SKAP2: variants seen among roughly 807,000 people sequenced by gnomAD.
The protein encoded by SKAP2 is src kinase-associated phosphoprotein 2.
Under a neutral mutation model 54.9 loss-of-function variants are expected in SKAP2, and 28 were observed. That is an observed-to-expected ratio of 0.51 (90% CI 0.38 to 0.70). SKAP2 has a LOEUF of 0.70. Among genes scored for constraint, SKAP2 ranks in the 30% least tolerant of loss-of-function variants. The pLI is 0.00. For missense variants in SKAP2, 356 were observed against 424.1 expected, an observed-to-expected ratio of 0.84 and a Z score of 1.41; for synonymous variants, 137 against 134.3, an observed-to-expected ratio of 1.02 and a Z score of -0.14.
intron 4 of SKAP2, among the ~76,000 whole-genome samples, chr7:26,770,730 T>C (rs1354197619): frequency 6.6e-6 from 1 of 152,118 alleles, no homozygotes; most frequent in East Asian, 1.9e-4. Context: ...CCTCTTGCAC[T>C]TCCCCGGTGA....
intron 4 of SKAP2, among the ~76,000 whole-genome samples, chr7:26,841,507 G>A (rs966896373): frequency 6.6e-6 from 1 of 151,940 alleles, no homozygotes; most frequent in African/African-American, 2.4e-5. Flanking sequence ...CAATCAAGTC[G>A]AAGCATCACT....
At chr7:26,698,161 T>C (rs1786936154) in intron 9 of SKAP2, among the ~76,000 whole-genome samples, 1 of 152,206 alleles carries the variant, frequency 6.6e-6, no homozygotes, top group South Asian at 2.1e-4. Context: ...CTCTGTTTCC[T>C]CTGCTTGCCT....
chr7:26,705,003 T>A (rs1319070139), intron 9 of SKAP2, among the ~76,000 whole-genome samples: 1 of 152,090 alleles, frequency 6.6e-6, no homozygotes, highest in African/African-American at 2.4e-5. Context: ...GCAAACCAGA[T>A]CTTACTTTTT....
At chr7:26,864,295 G>C in intron 1 of SKAP2, 68 bp downstream of exon 1, 2 of 1,595,014 alleles carry the variant, frequency 1.3e-6, no homozygotes, top group Admixed American at 3.4e-5. Flanking sequence ...GAATGCTTCT[G>C]TCCCCACCGG....
chr7:26,708,059 C>T (rs1787205730), intron 9 of SKAP2, among the ~76,000 whole-genome samples: 1 of 152,118 alleles, frequency 6.6e-6, no homozygotes, highest in Admixed American at 6.5e-5. Flanking sequence ...AAGAGACTTC[C>T]AAGTAAACAG....
intron 9 of SKAP2, among the ~76,000 whole-genome samples, chr7:26,705,802 C>T (rs1787143499): frequency 1.3e-5 from 2 of 152,336 alleles, no homozygotes; most frequent in East Asian, 1.9e-4. Context: ...AACGTACACT[C>T]ATAGCTCTGA....
intron 11 of SKAP2, among the ~76,000 whole-genome samples, chr7:26,680,821 G>A (rs1786474981): frequency 6.6e-6 from 1 of 152,140 alleles, no homozygotes; most frequent in African/African-American, 2.4e-5. Context: ...CTCAGCCAGG[G>A]GTCACATGAT....
chr7:26,800,660 A>G (rs1371920471), intron 4 of SKAP2, among the ~76,000 whole-genome samples: 2 of 152,158 alleles, frequency 1.3e-5, no homozygotes, highest in Non-Finnish European at 2.9e-5. Context: ...ATGAAAAGAG[A>G]GACATTACAA....
intron 6 of SKAP2, among the ~76,000 whole-genome samples, chr7:26,729,483 A>G (rs564105430): frequency 1.3e-5 from 2 of 152,312 alleles, no homozygotes; most frequent in South Asian, 4.1e-4. Context: ...AAGAGATGAA[A>G]GATGAAACAA....
intron 4 of SKAP2, among the ~76,000 whole-genome samples, chr7:26,807,577 A>G (rs1784056518): frequency 6.6e-6 from 1 of 152,206 alleles, no homozygotes; most frequent in South Asian, 2.1e-4. Context: ...ACCCTGTCTC[A>G]GGTAGTTCTT....
At chr7:26,796,966 C>T (rs370313713) in intron 4 of SKAP2, among the ~76,000 whole-genome samples, 3 of 151,976 alleles carry the variant, frequency 2.0e-5, no homozygotes, top group Non-Finnish European at 2.9e-5. Flanking sequence ...AACATTTGGG[C>T]AAATGGTCAT....
intron 9 of SKAP2, among the ~76,000 whole-genome samples, chr7:26,723,547 T>G (rs1787626694): frequency 6.6e-6 from 1 of 151,652 alleles, no homozygotes; most frequent in Non-Finnish European, 1.5e-5. Context: ...TGTGTGAGGG[T>G]GGGTGAGGAG....
intron 4 of SKAP2, among the ~76,000 whole-genome samples, chr7:26,813,975 G>A (rs1784211781): frequency 6.6e-6 from 1 of 152,118 alleles, no homozygotes. Flanking sequence ...CTTGATATTA[G>A]GAGCAAATTC....
chr7:26,709,286 G>C (rs1260039126), intron 9 of SKAP2, among the ~76,000 whole-genome samples: 2 of 152,180 alleles, frequency 1.3e-5, no homozygotes, highest in Non-Finnish European at 2.9e-5. Context: ...ATATGAGAGA[G>C]TGTAATAGGC....
rs189388596 is a variant in SKAP2 at position 26,752,362 on chromosome 7, C to A, written c.308-12398G>T. ...TTTACAGTATATAAAATAAAAGTTT[C>A]ATAGGGCTGTTTTGTATAACATCAT... On this transcript the variant is annotated intron_variant, in intron 4 of 12. Coordinates refer to ENST00000345317, the MANE Select transcript of SKAP2 (RefSeq NM_003930.5). Among the ~76,000 whole-genome samples, 40 of 152,250 alleles carry A rather than the reference C, an allele frequency of 2.6e-4. No homozygotes were observed. In the East Asian group the frequency reaches 7.1e-3, roughly 27 times the overall value.
chr7:26,783,131 T>C (rs1218222851), intron 4 of SKAP2, among the ~76,000 whole-genome samples: 1 of 152,146 alleles, frequency 6.6e-6, no homozygotes, highest in Non-Finnish European at 1.5e-5. Flanking sequence ...ATTTTTAAAT[T>C]CCCCCAAGTC....
At position 26,669,439 on chromosome 7, in the gene SKAP2, T is replaced by C. The variant is rs758014778; in HGVS notation, c.*227A>G. The C allele has an allele frequency of 4.6e-5, 7 of 152,158 alleles. No homozygotes were observed. Among genetic ancestry groups the C allele is most frequent in the Non-Finnish European group, 1.0e-4 (7 of 68,006 alleles). The allele number at this position is 152,158 out of a possible 1,614,324, so 9.4% of individuals were successfully genotyped here. On this transcript the variant is annotated 3_prime_UTR_variant, in exon 13 of 13. Coordinates refer to ENST00000345317, the MANE Select transcript of SKAP2 (RefSeq NM_003930.5). ...AAACTATAATTATTTCTTTGCAAAATAGCAACAGGTATAACTTAACTGGTT... is the reference window on the plus strand; with the variant it reads ...AAACTATAATTATTTCTTTGCAAAACAGCAACAGGTATAACTTAACTGGTT...
chr7:26,854,430 G>T (rs943547288), intron 2 of SKAP2, among the ~76,000 whole-genome samples: 6 of 151,900 alleles, frequency 3.9e-5, no homozygotes, highest in African/African-American at 1.4e-4. Context: ...TTCATTTAAA[G>T]TAGTAACAAA....
chr7:26,821,088 A>T (rs1234426747), intron 4 of SKAP2, among the ~76,000 whole-genome samples: 1 of 151,486 alleles, frequency 6.6e-6, no homozygotes, highest in African/African-American at 2.4e-5. Flanking sequence ...AGTACTATTT[A>T]CTCATGACAT....
Sources: allele counts gnomAD v4.1 joint callset (sites outside exome capture counted in the v4.1 genomes callset), GRCh38; gene constraint gnomAD v4.1.1; transcripts MANE v1.5; gene names NCBI Gene and HGNC (gene_info 2026-07-23, HGNC 2026-07-21).